GANC: variants seen among roughly 807,000 people sequenced by gnomAD.
The protein encoded by GANC is glucosidase alpha, neutral C.
Under a neutral mutation model 124.2 loss-of-function variants are expected in GANC, and 117 were observed. The ratio of observed to expected loss-of-function variants is 0.94; its 90% CI spans 0.81 to 1.10. The LOEUF is 1.10. Among genes scored for constraint, GANC ranks in the 50% least tolerant of loss-of-function variants. The probability of loss-of-function intolerance (pLI) is 0.00; values close to 1 mark genes in which losing one functional copy is unlikely to be tolerated. For synonymous variants in GANC, 377 were observed against 376.8 expected (o/e 1.00, Z -0.01); for missense variants, 1,140 against 1,095.0 (o/e 1.04, Z -0.58).
At chr15:42,284,495 C>T (rs1308737399) in intron 3 of GANC, 1 of 155,076 alleles carries the variant, frequency 6.4e-6, no homozygotes, top group Admixed American at 6.3e-5. Flanking sequence ...CTCTTTTTCC[C>T]AGACTGAGAG....
rs564077716 is a variant in GANC at position 42,306,113 on chromosome 15, G to A, written c.559-433G>A. Among the ~76,000 whole-genome samples, 18 of 150,302 alleles carry A rather than the reference G, an allele frequency of 1.2e-4. No individual in the cohort carries two copies. In the East Asian group the frequency reaches 2.2e-3, roughly 18 times the overall value. ...GTGATACTGGCTCACTGCAACCTCC[G>A]CCTCCCAGGTTCAAGCAATTATTCT... On this transcript the variant is annotated intron_variant, in intron 6 of 23. Coordinates refer to ENST00000318010, the MANE Select transcript of GANC (RefSeq NM_198141.3).
intron 4 of GANC, among the ~76,000 whole-genome samples, chr15:42,290,354 A>C (rs1595765286): frequency 6.6e-6 from 1 of 152,242 alleles, no homozygotes; most frequent in East Asian, 1.9e-4. Context: ...TATTGTCAGA[A>C]GATTGTTAAT....
intron 6 of GANC, among the ~76,000 whole-genome samples, chr15:42,303,848 C>G (rs190658871): frequency 6.6e-6 from 1 of 152,238 alleles, no homozygotes; most frequent in East Asian, 1.9e-4. Flanking sequence ...CACCCAGATT[C>G]ATAAAGCAAG....
chr15:42,336,401 A>G (rs2052283835), intron 15 of GANC, among the ~76,000 whole-genome samples: 1 of 152,220 alleles, frequency 6.6e-6, no homozygotes. Context: ...CCTATTCAAC[A>G]AGTGGTGCTG....
At chr15:42,277,920 A>G (rs1254034779) in intron 2 of GANC, 31 of 123,332 alleles carry the variant, frequency 2.5e-4, no homozygotes, top group Middle Eastern at 4.0e-3. Context: ...CATTTGAAAA[A>G]AAAAAAAAAA....
At chr15:42,299,268 C>G (rs897063258) in intron 6 of GANC, among the ~76,000 whole-genome samples, 3 of 152,146 alleles carry the variant, frequency 2.0e-5, no homozygotes, top group African/African-American at 7.2e-5. Flanking sequence ...GAGTTTTTAA[C>G]ATGAAGGATG....
chr15:42,315,846 C>T (rs879675399), intron 10 of GANC, among the ~76,000 whole-genome samples: 3 of 152,048 alleles, frequency 2.0e-5, no homozygotes, highest in Non-Finnish European at 4.4e-5. Context: ...CTCCAGCCTG[C>T]CTTCAGGCTC....
chr15:42,283,297 A>G (rs2051752299), intron 3 of GANC, among the ~76,000 whole-genome samples: 2 of 152,226 alleles, frequency 1.3e-5, no homozygotes, highest in East Asian at 1.9e-4. Context: ...ATAATCAGGT[A>G]GATATTTAGT....
intron 11 of GANC, among the ~76,000 whole-genome samples, chr15:42,322,483 G>A (rs2052168126): frequency 1.3e-5 from 2 of 152,122 alleles, no homozygotes; most frequent in African/African-American, 4.8e-5. Context: ...ATGGTGGTTA[G>A]CGGGTGGGGA....
chr15:42,282,356 T>A (rs1223860331), intron 3 of GANC, among the ~76,000 whole-genome samples: 3 of 152,156 alleles, frequency 2.0e-5, no homozygotes, highest in Non-Finnish European at 1.5e-5. Context: ...AGAACTTCTA[T>A]TAAAAATGGT....
chr15:42,281,077 A>T (rs531219252), intron 3 of GANC: 1 of 702,606 alleles, frequency 1.4e-6, no homozygotes, highest in Non-Finnish European at 2.6e-6. Context: ...GACATCAGCA[A>T]CGTAGCTCCC....
chr15:42,349,355 C>G (rs2052399213), intron 21 of GANC, 28 bp from the exon 22 acceptor site: 1 of 1,308,532 alleles, frequency 7.6e-7, no homozygotes, highest in Non-Finnish European at 1.1e-6. Flanking sequence ...CATATAAGCA[C>G]ATTCTGTCTC....
In GANC at chr15:42,273,612, G is replaced by A; in HGVS notation, c.-870G>A. On this transcript the variant is annotated 5_prime_UTR_variant, in exon 1 of 24. Transcript: ENST00000318010. ...GCAGGCGTCATCCTGTTGGAACCTG[G>A]TCAGCTGGGTTAGAGAGATCGCTAC... 1 of 735,506 alleles carries A rather than the reference G, an allele frequency of 1.4e-6. No individual in the cohort carries two copies. Among genetic ancestry groups the A allele is most frequent in the Non-Finnish European group, 2.2e-6 (1 of 464,444 alleles). 45.6% of individuals were successfully genotyped at this position (735,506 alleles called of 1,614,324 possible). A position where few individuals can be genotyped will look rare whatever the true frequency, so the allele number is the denominator to read the frequency against.
In GANC at chr15:42,339,916, A is replaced by G. The variant is rs766450785; in HGVS notation, c.2087+4A>G. Reference sequence around the variant, plus strand: ...TGGCTTCCCAACCTGTCATGAGGTAAAAAAGCTTCATCCATTCAGGGACCC... The same window carrying G: ...TGGCTTCCCAACCTGTCATGAGGTAGAAAAGCTTCATCCATTCAGGGACCC... On this transcript the variant is annotated splice_donor_region_variant and intron_variant, in intron 17 of 23. Coordinates refer to ENST00000318010, the MANE Select transcript of GANC (RefSeq NM_198141.3). The G allele has an allele frequency of 6.2e-7, 1 of 1,610,506 alleles. No homozygotes were observed. Among genetic ancestry groups the G allele is most frequent in the Non-Finnish European group, 8.5e-7 (1 of 1,177,574 alleles).
chr15:42,275,904 C>G (rs760132706), intron 1 of GANC, among the ~76,000 whole-genome samples: 1 of 152,178 alleles, frequency 6.6e-6, no homozygotes, highest in Non-Finnish European at 1.5e-5. Flanking sequence ...GCCCAGCTCT[C>G]AGGAAGAATA....
At chr15:42,347,014 C>T (rs1052018916) in intron 20 of GANC, among the ~76,000 whole-genome samples, 2 of 152,044 alleles carry the variant, frequency 1.3e-5, no homozygotes, top group Non-Finnish European at 2.9e-5. Flanking sequence ...ACTCTAATCC[C>T]TCACACAGGT....
intron 15 of GANC, among the ~76,000 whole-genome samples, chr15:42,338,152 T>TA (rs978857254): frequency 6.0e-5 from 9 of 150,018 alleles, no homozygotes; most frequent in East Asian, 5.8e-4. Flanking sequence ...AAATTATACT[T>TA]AAAAAAAAGT....
chr15:42,337,053 A>G (rs1022117298), intron 15 of GANC, among the ~76,000 whole-genome samples: 2 of 152,250 alleles, frequency 1.3e-5, no homozygotes, highest in African/African-American at 2.4e-5. Flanking sequence ...AAATAGTTCA[A>G]CCATTGTGGA....
chr15:42,289,946 T>C (rs1310185316), intron 4 of GANC, among the ~76,000 whole-genome samples: 2 of 152,140 alleles, frequency 1.3e-5, no homozygotes, highest in African/African-American at 4.8e-5. Context: ...CGTGAAGACA[T>C]AGTGATAAGG....
Sources: gnomAD v4.1 joint callset for allele counts (sites outside exome capture counted in the v4.1 genomes callset) on GRCh38, gnomAD v4.1.1 for gene constraint, MANE v1.5 for transcripts, NCBI Gene and HGNC (gene_info 2026-07-23, HGNC 2026-07-21) for gene names.